The following NCAM2 variants were observed in gnomAD, a reference collection of about 807,000 sequenced individuals.
The protein encoded by NCAM2 is neural cell adhesion molecule 2.
NCAM2 carries 30 observed loss-of-function variants against 98.1 expected under a neutral mutation model. That is an observed-to-expected ratio of 0.31 (90% CI 0.23 to 0.41). The LOEUF (loss-of-function observed/expected upper bound fraction) is 0.41, where lower values mean the gene tolerates loss of function less well. NCAM2 is among the 10% of genes least tolerant of loss of function. The probability of loss-of-function intolerance (pLI) is 1.00; values close to 1 mark genes in which losing one functional copy is unlikely to be tolerated. For synonymous variants in NCAM2, 368 were observed against 342.4 expected, an observed-to-expected ratio of 1.07 and a Z score of -0.83; for missense variants, 867 against 1,005.8, an observed-to-expected ratio of 0.86 and a Z score of 1.87.
chr21:21,128,807 A>G (rs1361994065), intron 1 of NCAM2, among the ~76,000 whole-genome samples: 4 of 152,194 alleles, frequency 2.6e-5, no homozygotes, highest in African/African-American at 7.2e-5. Context: ...AATTAAATCT[A>G]CCTTGGAAAT....
chr21:21,416,578 TTAAATATGAAGAAATAGTTTTATCAG>T (rs2076999049), intron 10 of NCAM2, among the ~76,000 whole-genome samples: 1 of 152,072 alleles, frequency 6.6e-6, no homozygotes, highest in Admixed American at 6.6e-5. Context: ...ATGCCTATAT[TTAAATATGAAGAAATAGTTTTATCAG>T]TAGATGTTTC....
intron 1 of NCAM2, among the ~76,000 whole-genome samples, chr21:21,050,561 T>G (rs1267912917): frequency 6.6e-6 from 1 of 152,212 alleles, no homozygotes; most frequent in African/African-American, 2.4e-5. Context: ...ATGTGTATCA[T>G]TTTTGTTTGT....
chr21:21,343,650 A>G (rs2147901310), intron 8 of NCAM2, among the ~76,000 whole-genome samples: 1 of 152,220 alleles, frequency 6.6e-6, no homozygotes, highest in African/African-American at 2.4e-5. Context: ...GACCTAATTC[A>G]ACTGACACCC....
intron 1 of NCAM2, among the ~76,000 whole-genome samples, chr21:21,056,015 A>G (rs1223285124): frequency 6.6e-6 from 1 of 152,072 alleles, no homozygotes; most frequent in Non-Finnish European, 1.5e-5. Flanking sequence ...TTTGCTAGCA[A>G]TATTTTTATA....
intron 1 of NCAM2, among the ~76,000 whole-genome samples, chr21:21,244,178 T>C (rs542566990): frequency 7.2e-5 from 11 of 152,236 alleles, no homozygotes; most frequent in African/African-American, 2.6e-4. Context: ...CATCCTCTTT[T>C]ATTCATCTCC....
At chr21:21,533,691 G>A (rs1014377137) in intron 16 of NCAM2, among the ~76,000 whole-genome samples, 11 of 148,612 alleles carry the variant, frequency 7.4e-5, no homozygotes, top group African/African-American at 2.2e-4. Flanking sequence ...TCTTTATTAG[G>A]AGTACCTCAT....
chr21:21,232,765 T>C (rs2070679673), intron 1 of NCAM2, among the ~76,000 whole-genome samples: 1 of 151,656 alleles, frequency 6.6e-6, no homozygotes, highest in African/African-American at 2.4e-5. Context: ...ATTGCTTTAG[T>C]TTTATATGCC....
chr21:21,325,800 G>A (rs1007460047), intron 6 of NCAM2, among the ~76,000 whole-genome samples: 5 of 152,018 alleles, frequency 3.3e-5, no homozygotes, highest in Non-Finnish European at 5.9e-5. Flanking sequence ...AGAAAGTAAA[G>A]CACAAAAATA....
chr21:21,074,801 G>C (rs991811327), intron 1 of NCAM2, among the ~76,000 whole-genome samples: 2 of 150,396 alleles, frequency 1.3e-5, no homozygotes, highest in Non-Finnish European at 2.9e-5. Flanking sequence ...ATCAATGCAG[G>C]GAAACTATGA....
In NCAM2 at chr21:21,508,978, C is replaced by T. The variant is rs948352915; in HGVS notation, c.2205C>T (p.Ile735=). 1 of 1,613,416 alleles carries T rather than the reference C, an allele frequency of 6.2e-7. No homozygotes were observed. Residue 735 remains isoleucine (I), a synonymous_variant, in exon 16 of 18, where the codon ATC becomes ATT. Transcript: ENST00000400546. ...FIRQCGLLMC[I]TRRMCGKKSG... ...GGCAATGTGGGTTGCTGATGTGCAT[C>T]ACTAGGAGAATGTGTGGAAAGAAAA...
Position 21,261,947 on chromosome 21 carries a change from G to A in NCAM2, c.56-18631G>A, listed in dbSNP as rs186525273. 2.8e-4 allele frequency among the ~76,000 whole-genome samples: 43 copies of A among 152,110 alleles called. 1 individual carries two copies. In the East Asian group the frequency reaches 5.0e-3, roughly 18 times the overall value. On this transcript the variant is annotated intron_variant, in intron 1 of 17. Transcript: ENST00000400546. ...TTAATTATTTGAAAGGTTAAACAAA[G>A]GTGATAGATGGCTAGCTAGATTAAC...
At chr21:21,158,282 T>G (rs868858036) in intron 1 of NCAM2, among the ~76,000 whole-genome samples, 13 of 152,266 alleles carry the variant, frequency 8.5e-5, no homozygotes, top group Non-Finnish European at 1.9e-4. Flanking sequence ...GCTAAATGTG[T>G]GTATATATGG....
At chr21:21,287,349 C>T (rs950282945) in intron 4 of NCAM2, among the ~76,000 whole-genome samples, 16 of 151,914 alleles carry the variant, frequency 1.1e-4, no homozygotes, top group African/African-American at 3.9e-4. Flanking sequence ...TCAATAGTCA[C>T]TTTTTTAATT....
At chr21:21,257,345 T>C (rs2071712529) in intron 1 of NCAM2, among the ~76,000 whole-genome samples, 1 of 152,192 alleles carries the variant, frequency 6.6e-6, no homozygotes, top group African/African-American at 2.4e-5. Flanking sequence ...ACTGTTTACA[T>C]GATTTTATCC....
At chr21:21,378,543 T>C (rs2076083204) in intron 9 of NCAM2, among the ~76,000 whole-genome samples, 1 of 152,100 alleles carries the variant, frequency 6.6e-6, no homozygotes, top group Admixed American at 6.6e-5. Context: ...ATTGATTTGC[T>C]TGAGTTATTT....
At position 21,468,185 on chromosome 21, in the gene NCAM2, A is replaced by G. The variant is rs563730965; in HGVS notation, c.1775-477A>G. On this transcript the variant is annotated intron_variant, in intron 13 of 17. Coordinates refer to ENST00000400546, the MANE Select transcript of NCAM2 (RefSeq NM_004540.5). Reference sequence around the variant, plus strand: ...AACTTTATTCAAATTTGCACCCAGGAAAGAAAATGCTTATTAAAGCACATT... The same window carrying G: ...AACTTTATTCAAATTTGCACCCAGGGAAGAAAATGCTTATTAAAGCACATT... Among the ~76,000 whole-genome samples, 5 of 152,150 alleles carry G rather than the reference A, an allele frequency of 3.3e-5. No individual in the cohort carries two copies. In the South Asian group the frequency reaches 1.0e-3, roughly 32 times the overall value.
chr21:21,293,144 TG>T (rs1405736189), intron 5 of NCAM2, among the ~76,000 whole-genome samples: 1 of 151,906 alleles, frequency 6.6e-6, no homozygotes, highest in Admixed American at 6.6e-5. Flanking sequence ...GAAATTTTGT[TG>T]AAGACACAGA....
intron 1 of NCAM2, among the ~76,000 whole-genome samples, chr21:21,040,836 A>C (rs1443886396): frequency 6.6e-6 from 1 of 152,150 alleles, no homozygotes; most frequent in African/African-American, 2.4e-5. Context: ...AGTTAGGAAG[A>C]ATAAGTTCTA....
At chr21:21,234,239 T>A (rs1325849917) in intron 1 of NCAM2, among the ~76,000 whole-genome samples, 1 of 151,712 alleles carries the variant, frequency 6.6e-6, no homozygotes, top group Non-Finnish European at 1.5e-5. Flanking sequence ...AGTACTCTAG[T>A]TAATGCAGGA....
Sources: gnomAD v4.1 joint callset for allele counts (sites outside exome capture counted in the v4.1 genomes callset) on GRCh38, gnomAD v4.1.1 for gene constraint, MANE v1.5 for transcripts, NCBI Gene and HGNC (gene_info 2026-07-23, HGNC 2026-07-21) for gene names.